The following ALDH1A2 variants were observed in gnomAD, a reference collection of about 807,000 sequenced individuals.
ALDH1A2 encodes retinal dehydrogenase 2.
A neutral mutation model predicts 60.3 loss-of-function variants in ALDH1A2; 27 were observed. The ratio of observed to expected loss-of-function variants is 0.45; its 90% CI spans 0.33 to 0.62. ALDH1A2 has a LOEUF of 0.62. Ranked by LOEUF, ALDH1A2 falls within the 20% of genes least tolerant of loss-of-function variation. ALDH1A2 has a pLI of 0.02. For missense variants in ALDH1A2, 581 were observed against 643.8 expected, an observed-to-expected ratio of 0.90 and a Z score of 1.06; for synonymous variants, 289 against 232.4, an observed-to-expected ratio of 1.24 and a Z score of -2.21.
chr15:58,004,007 T>C (rs1478272692), intron 4 of ALDH1A2, among the ~76,000 whole-genome samples: 4 of 151,608 alleles, frequency 2.6e-5, no homozygotes, highest in Non-Finnish European at 5.9e-5. Context: ...ATTGCATAAT[T>C]GTGCAATAAC....
intron 4 of ALDH1A2, among the ~76,000 whole-genome samples, chr15:58,006,901 G>C (rs1428662350): frequency 6.8e-6 from 1 of 147,960 alleles, no homozygotes; most frequent in Non-Finnish European, 1.5e-5. Flanking sequence ...GGTCTGTTTA[G>C]TGCCACATTT....
At chr15:57,987,245 C>CA (rs200214704) in intron 7 of ALDH1A2, among the ~76,000 whole-genome samples, 25 of 142,406 alleles carry the variant, frequency 1.8e-4, no homozygotes, top group South Asian at 9.1e-4. Flanking sequence ...AAGTAGAAAG[C>CA]AAAAAAAAAA....
At chr15:57,965,884 G>T in intron 7 of ALDH1A2, 57 bp from the exon 8 acceptor site, 4 of 1,337,740 alleles carry the variant, frequency 3.0e-6, no homozygotes, top group Non-Finnish European at 4.3e-6. Flanking sequence ...GACAGTCACC[G>T]GCCAATGCCA....
chr15:57,975,418 G>A (rs1225032366), intron 7 of ALDH1A2, among the ~76,000 whole-genome samples: 2 of 152,196 alleles, frequency 1.3e-5, no homozygotes, highest in South Asian at 2.1e-4. Context: ...AAAATGTGTA[G>A]AACCAGAAGT....
chr15:57,998,505 G>T (rs1444534910), intron 4 of ALDH1A2, among the ~76,000 whole-genome samples: 1 of 151,624 alleles, frequency 6.6e-6, no homozygotes, highest in Non-Finnish European at 1.5e-5. Context: ...AGGAAGTGAA[G>T]GACCTCTTCA....
chr15:57,988,806 C>T (rs1427802661), intron 7 of ALDH1A2, among the ~76,000 whole-genome samples: 2 of 152,170 alleles, frequency 1.3e-5, no homozygotes, highest in Non-Finnish European at 2.9e-5. Flanking sequence ...GTTTTATGGA[C>T]TCACTATGTG....
At chr15:57,988,931 G>T (rs1271064419) in intron 7 of ALDH1A2, among the ~76,000 whole-genome samples, 1 of 152,192 alleles carries the variant, frequency 6.6e-6, no homozygotes, top group African/African-American at 2.4e-5. Flanking sequence ...CATTTTGGGA[G>T]GCTGAGGCTG....
intron 3 of ALDH1A2, among the ~76,000 whole-genome samples, chr15:58,013,470 A>G (rs1185778558): frequency 6.6e-6 from 1 of 152,146 alleles, no homozygotes; most frequent in Admixed American, 6.6e-5. Context: ...CCAAATCCAA[A>G]CATGTCTCAT....
At chr15:57,961,088 G>T in intron 11 of ALDH1A2, 49 bp downstream of exon 11, 1 of 1,606,618 alleles carries the variant, frequency 6.2e-7, no homozygotes, top group Non-Finnish European at 8.5e-7. Context: ...TTTCACCCTG[G>T]TCCCTATACC....
chr15:58,010,537 T>C (rs1895598688), intron 4 of ALDH1A2, 112 bp downstream of exon 4: 1 of 1,420,908 alleles, frequency 7.0e-7, no homozygotes. Context: ...TTCTAACTGC[T>C]GTAAGTGTGC....
chr15:57,959,725 G>C (rs1229768603), intron 12 of ALDH1A2, among the ~76,000 whole-genome samples: 5 of 152,164 alleles, frequency 3.3e-5, no homozygotes, highest in Non-Finnish European at 7.3e-5. Flanking sequence ...GGTTGCACAG[G>C]TAGTAATAGT....
chr15:57,979,976 G>A (rs1894429298), intron 7 of ALDH1A2: 2 of 351,068 alleles, frequency 5.7e-6, no homozygotes, highest in African/African-American at 2.1e-5. Flanking sequence ...CGCGTCCCAG[G>A]AGCTGTCATG....
At chr15:58,003,183 C>T (rs913393292) in intron 4 of ALDH1A2, among the ~76,000 whole-genome samples, 2 of 151,862 alleles carry the variant, frequency 1.3e-5, no homozygotes, top group Non-Finnish European at 2.9e-5. Flanking sequence ...CCCTTTTCAG[C>T]TTCAACCTCT....
intron 1 of ALDH1A2, 110 bp from the exon 2 acceptor site, chr15:58,014,391 G>A (rs1343104655): frequency 6.9e-6 from 6 of 875,278 alleles, no homozygotes; most frequent in African/African-American, 6.6e-5. Flanking sequence ...TATAATAAAA[G>A]TATACAATTT....
At chr15:57,981,201 C>T (rs1250349682) in intron 7 of ALDH1A2, among the ~76,000 whole-genome samples, 1 of 151,772 alleles carries the variant, frequency 6.6e-6, no homozygotes, top group African/African-American at 2.4e-5. Flanking sequence ...ATCTAGTACA[C>T]TATTTTACCA....
chr15:58,050,636 G>C (rs1419656198), intron 1 of ALDH1A2, among the ~76,000 whole-genome samples: 1 of 152,110 alleles, frequency 6.6e-6, no homozygotes, highest in South Asian at 2.1e-4. Flanking sequence ...CACAGGCAAA[G>C]TACTTCATCA....
At chr15:57,976,357 A>G (rs1231564236) in intron 7 of ALDH1A2, among the ~76,000 whole-genome samples, 1 of 152,156 alleles carries the variant, frequency 6.6e-6, no homozygotes, top group Admixed American at 6.5e-5. Context: ...TACATGTGCC[A>G]TGGTGGTTTG....
intron 1 of ALDH1A2, among the ~76,000 whole-genome samples, chr15:58,060,999 G>A (rs1256159664): frequency 6.6e-6 from 1 of 152,156 alleles, no homozygotes; most frequent in Non-Finnish European, 1.5e-5. Flanking sequence ...TCTTAAGCCT[G>A]GCTATGAGGA....
intron 7 of ALDH1A2, among the ~76,000 whole-genome samples, chr15:57,985,647 C>T (rs1299452747): frequency 6.6e-6 from 1 of 152,040 alleles, no homozygotes; most frequent in Non-Finnish European, 1.5e-5. Flanking sequence ...TTTTATTTAC[C>T]AAATTCAGTC....
Sources: allele counts gnomAD v4.1 joint callset (sites outside exome capture counted in the v4.1 genomes callset), GRCh38; gene constraint gnomAD v4.1.1; transcripts MANE v1.5; gene names NCBI Gene and HGNC (gene_info 2026-07-23, HGNC 2026-07-21).